Variants in TRIO observed in about 807,000 individuals in gnomAD.
TRIO encodes triple functional domain protein.
TRIO carries 58 observed loss-of-function variants against 351.9 expected under a neutral mutation model. The ratio of observed to expected loss-of-function variants is 0.16; its 90% CI spans 0.13 to 0.21. TRIO has a LOEUF of 0.21. Among genes scored for constraint, TRIO ranks in the 10% least tolerant of loss-of-function variants. The pLI is 1.00. For synonymous variants in TRIO, 1,758 were observed against 1,595.7 expected (o/e 1.10, Z -2.42); for missense variants, 3,201 against 4,027.8 (o/e 0.79, Z 5.56).
rs1272193322 is a variant in TRIO, at chr5:14,508,094, T to C, written c.8966T>C (p.Val2989Ala). The C allele has an allele frequency of 6.2e-6, 10 of 1,614,112 alleles. No homozygotes were observed. The highest frequency in any genetic ancestry group is 8.5e-6 in the Non-Finnish European group (10 of 1,180,040). Residue 2989 changes from valine to alanine, a missense_variant, in exon 57 of 57, where the codon GTG becomes GCG. Coordinates refer to ENST00000344204, the MANE Select transcript of TRIO (RefSeq NM_007118.4). ...CTCACATACGTACTTCTTAGTGGCG[T>C]GTCCCCCTTCCTGGATGACAGTGTG... Reference protein sequence around the residue: ...GVLTYVLLSGVSPFLDDSVEE... With the variant: ...GVLTYVLLSGASPFLDDSVEE...
chr5:14,355,726 CAA>C (rs542294759), intron 11 of TRIO, among the ~76,000 whole-genome samples: 1 of 152,070 alleles, frequency 6.6e-6, no homozygotes, highest in Non-Finnish European at 1.5e-5. Context: ...TAGAGGAAAA[CAA>C]AAGAACAAGA....
Position 14,286,774 on chromosome 5 carries a change from G to A in TRIO, c.348-97G>A. The stretch of plus-strand genomic sequence containing the variant: ...CCCTGCCTCCGCACGTGTCCAGCAG[G>A]GGAGGGAAGCTGGGTCTGTGGCACC... On this transcript the variant is annotated intron_variant, in intron 3 of 56. Coordinates refer to ENST00000344204, the MANE Select transcript of TRIO (RefSeq NM_007118.4). This position sits in a 1 kb window ranked among gnomAD's most constrained non-coding sequence, Gnocchi z 4.4. The A allele has an allele frequency of 7.6e-7, 1 of 1,317,920 alleles. No individual in the cohort carries two copies. Among genetic ancestry groups the A allele is most frequent in the Non-Finnish European group, 1.0e-6 (1 of 957,192 alleles). 81.6% of individuals were successfully genotyped at this position (1,317,920 alleles called of 1,614,324 possible).
intron 1 of TRIO, among the ~76,000 whole-genome samples, chr5:14,182,337 T>G (rs1448811523): frequency 6.6e-6 from 1 of 152,252 alleles, no homozygotes; most frequent in Non-Finnish European, 1.5e-5. Flanking sequence ...CTTGGTTCCC[T>G]GGATCTTAAT....
intron 3 of TRIO, among the ~76,000 whole-genome samples, chr5:14,283,764 AAAC>A (rs1485343459): frequency 1.7e-4 from 25 of 149,928 alleles, no homozygotes; most frequent in African/African-American, 5.4e-4. Context: ...TTTTTTTTTT[AAAC>A]AAACAAACAA....
At chr5:14,234,510 C>A (rs1313683624) in intron 1 of TRIO, among the ~76,000 whole-genome samples, 1 of 152,072 alleles carries the variant, frequency 6.6e-6, no homozygotes. Context: ...TCAGTAGATA[C>A]CTGTGTGAGG....
At chr5:14,496,845 G>A (rs1756927632) in intron 49 of TRIO, 34 bp from the exon 50 acceptor site, 2 of 1,609,388 alleles carry the variant, frequency 1.2e-6, no homozygotes, top group South Asian at 1.1e-5. Context: ...ATGTTGGAAA[G>A]GCATAATACC....
At chr5:14,401,197 T>G in intron 31 of TRIO, 133 bp downstream of exon 31, 1 of 673,206 alleles carries the variant, frequency 1.5e-6, no homozygotes, top group Non-Finnish European at 2.4e-6. Flanking sequence ...TTCAGATTGG[T>G]GACTACCACA....
At chr5:14,303,851 G>C (rs760685133) in intron 7 of TRIO, among the ~76,000 whole-genome samples, 3 of 152,226 alleles carry the variant, frequency 2.0e-5, no homozygotes, top group Non-Finnish European at 4.4e-5. Flanking sequence ...GATTCACAGA[G>C]AAGTTCAGGC....
chr5:14,186,408 T>C (rs1044846854), intron 1 of TRIO, among the ~76,000 whole-genome samples: 2 of 152,214 alleles, frequency 1.3e-5, no homozygotes, highest in Non-Finnish European at 2.9e-5. Context: ...TTTGGACTCA[T>C]TGGAAATGGA....
At chr5:14,469,264 C>T (rs1754501567) in intron 37 of TRIO, among the ~76,000 whole-genome samples, 1 of 152,100 alleles carries the variant, frequency 6.6e-6, no homozygotes, top group Admixed American at 6.5e-5. Flanking sequence ...TAAATATAGG[C>T]ATTAGGTAAC....
chr5:14,275,433 A>C (rs1004569699), intron 2 of TRIO, among the ~76,000 whole-genome samples: 5 of 152,100 alleles, frequency 3.3e-5, no homozygotes, highest in African/African-American at 1.2e-4. Context: ...AGACTTAAAA[A>C]CCCCAACTTG....
At chr5:14,275,196 G>A (rs1214401962) in intron 2 of TRIO, among the ~76,000 whole-genome samples, 1 of 152,084 alleles carries the variant, frequency 6.6e-6, no homozygotes, top group Admixed American at 6.5e-5. Flanking sequence ...TAGTTCTTAT[G>A]TGGACATAAT....
At chr5:14,257,499 T>G (rs1009747643) in intron 1 of TRIO, among the ~76,000 whole-genome samples, 9 of 152,174 alleles carry the variant, frequency 5.9e-5, no homozygotes, top group Non-Finnish European at 1.2e-4. Context: ...GGTTGTATTC[T>G]GGCTGGCCCT....
chr5:14,234,033 T>C (rs1793628449), intron 1 of TRIO, among the ~76,000 whole-genome samples: 1 of 152,156 alleles, frequency 6.6e-6, no homozygotes, highest in Non-Finnish European at 1.5e-5. Context: ...TGGCCTCAAG[T>C]GATCCTCTCA....
chr5:14,475,906 A>G (rs1755041461), intron 40 of TRIO, among the ~76,000 whole-genome samples: 1 of 152,242 alleles, frequency 6.6e-6, no homozygotes, highest in Admixed American at 6.5e-5. Context: ...ACCAAATATT[A>G]ACATAAATAA....
chr5:14,294,055 G>A (rs1314587749), intron 6 of TRIO, among the ~76,000 whole-genome samples: 6 of 152,118 alleles, frequency 3.9e-5, no homozygotes, highest in Admixed American at 3.3e-4. Flanking sequence ...GTGTGGTGGT[G>A]CACACCTGTA....
chr5:14,208,092 G>A (rs377321771), intron 1 of TRIO, among the ~76,000 whole-genome samples: 49 of 152,352 alleles, frequency 3.2e-4, no homozygotes, highest in African/African-American at 1.1e-3. Flanking sequence ...TTGGAAAACA[G>A]TTTGCAGTTT....
chr5:14,209,657 G>A (rs1016655260), intron 1 of TRIO, among the ~76,000 whole-genome samples: 1 of 152,180 alleles, frequency 6.6e-6, no homozygotes, highest in African/African-American at 2.4e-5. Flanking sequence ...CTCGAGCAGC[G>A]GTTGTTAGTT....
chr5:14,478,650 T>C (rs964895028), intron 41 of TRIO, among the ~76,000 whole-genome samples: 14 of 152,152 alleles, frequency 9.2e-5, no homozygotes, highest in African/African-American at 3.1e-4. Context: ...ATTCTTTGTT[T>C]AATATTAAGA....
Sources: gnomAD v4.1 joint callset for allele counts (sites outside exome capture counted in the v4.1 genomes callset) on GRCh38, gnomAD v4.1.1 for gene constraint, Gnocchi (gnomAD v3.1) non-coding constraint, MANE v1.5 for transcripts, NCBI Gene and HGNC (gene_info 2026-07-23, HGNC 2026-07-21) for gene names.